The following SLC38A11 variants were observed in gnomAD, a reference collection of about 807,000 sequenced individuals.
The protein encoded by SLC38A11 is putative sodium-coupled neutral amino acid transporter 11.
A neutral mutation model predicts 49.4 loss-of-function variants in SLC38A11; 51 were observed. That is an observed-to-expected ratio of 1.03 (90% CI 0.83 to 1.30). The LOEUF (loss-of-function observed/expected upper bound fraction) is 1.30. Among genes scored for constraint, SLC38A11 ranks in the 50% most tolerant of loss-of-function variants. The probability of loss-of-function intolerance (pLI) is 0.00; values close to 1 mark genes in which losing one functional copy is unlikely to be tolerated. For missense variants in SLC38A11, 574 were observed against 556.2 expected (o/e 1.03, Z -0.32); for synonymous variants, 203 against 192.9 (o/e 1.05, Z -0.43).
rs727452 is a variant in SLC38A11, at chr2:164,916,373, A to G, written c.618-400T>C. Among the ~76,000 whole-genome samples the G allele has an allele frequency of 8.2e-3, 1,247 of 152,234 alleles. 8 individuals are homozygous for G. Among genetic ancestry groups the G allele is most frequent in the Non-Finnish European group, 0.015 (992 of 67,974 alleles). On this transcript the variant is annotated intron_variant, in intron 7 of 11. Transcript: ENST00000685975. ...TGTTCATTCCGCTCTTATTTTTTTC[A>G]GGCTTAACCTACCCAAGAAAAATTT...
Position 164,946,781 on chromosome 2 carries a change from A to G in SLC38A11, c.230-1054T>C, listed in dbSNP as rs76884386. On this transcript the variant is annotated intron_variant, in intron 3 of 11. Transcript: ENST00000685975. ...TTTTTTCTCTTTCTCATTTTTATCC[A>G]TTAAGTAATATGGAAATGCATTAAA... is the stretch of plus-strand genomic sequence containing the variant. 2.0e-5 allele frequency among the ~76,000 whole-genome samples: 3 copies of G among 152,152 alleles called. No homozygotes were observed. The East Asian group carries it at 5.8e-4, about 29-fold the overall frequency.
Position 164,895,967 on chromosome 2 carries a change from A to G in SLC38A11, c.*2470T>C, listed in dbSNP as rs1345222673. On this transcript the variant is annotated 3_prime_UTR_variant, in exon 12 of 12. Transcript: ENST00000685975. Reference sequence around the variant, plus strand: ...GATTCTTGCCTACCACCACCTTTTTAAAGTTAAGAAGTGCTTTATACATTT... The same window carrying G: ...GATTCTTGCCTACCACCACCTTTTTGAAGTTAAGAAGTGCTTTATACATTT... Among the ~76,000 whole-genome samples, 1 of 152,192 alleles carries G rather than the reference A, an allele frequency of 6.6e-6. No homozygotes were observed. The highest frequency in any genetic ancestry group is 1.9e-4 in the East Asian group (1 of 5,198).
intron 3 of SLC38A11, among the ~76,000 whole-genome samples, chr2:164,949,416 T>G (rs897399654): frequency 6.6e-6 from 1 of 151,930 alleles, no homozygotes; most frequent in Non-Finnish European, 1.5e-5. Flanking sequence ...AGCCACCACA[T>G]CCAGTTAATT....
chr2:164,952,572 A>C, intron 3 of SLC38A11, 135 bp downstream of exon 3: 1 of 703,496 alleles, frequency 1.4e-6, no homozygotes, highest in Non-Finnish European at 2.5e-6. Flanking sequence ...TAAATGCTTA[A>C]ATTCTTTAGG....
intron 9 of SLC38A11, 121 bp from the exon 10 acceptor site, chr2:164,911,869 C>T (rs1685430453): frequency 1.9e-6 from 1 of 533,406 alleles, no homozygotes; most frequent in African/African-American, 2.0e-5. Flanking sequence ...TATATGATTA[C>T]AATGCTGTAT....
chr2:164,919,852 G>C (rs900957789), intron 7 of SLC38A11, among the ~76,000 whole-genome samples: 2 of 152,174 alleles, frequency 1.3e-5, no homozygotes, highest in East Asian at 3.9e-4. Context: ...TGAATACAGA[G>C]GGCCATGATC....
chr2:164,937,257 C>A, intron 7 of SLC38A11, 93 bp downstream of exon 7: 1 of 826,516 alleles, frequency 1.2e-6, no homozygotes, highest in Non-Finnish European at 2.0e-6. Context: ...GTTTCTGATA[C>A]CATGGTTACT....
rs750519960 is a variant in SLC38A11 at position 164,911,632 on chromosome 2, TTA to T, written c.963+2_963+3del. On this transcript the variant is annotated splice_donor_variant and splice_donor_region_variant and intron_variant, in intron 10 of 11. Coordinates refer to ENST00000685975, the MANE Select transcript of SLC38A11 (RefSeq NM_001351537.2). LOFTEE classifies it high-confidence loss of function. ...GTAAAGCGTTGGGAAGGAACCGCGC[TTA>T]CCTCTCTTGTCACAAAGCATTCCAT... The T allele has an allele frequency of 6.5e-7, 1 of 1,531,132 alleles. No individual in the cohort carries two copies. Among genetic ancestry groups the T allele is most frequent in the Non-Finnish European group, 8.9e-7 (1 of 1,119,542 alleles). 94.8% of individuals were successfully genotyped at this position (1,531,132 alleles called of 1,614,324 possible).
chr2:164,920,107 G>T (rs1573926303), intron 7 of SLC38A11, among the ~76,000 whole-genome samples: 1 of 151,824 alleles, frequency 6.6e-6, no homozygotes, highest in African/African-American at 2.4e-5. Flanking sequence ...AACCCCGTCT[G>T]TACTAAAAAT....
chr2:164,942,847 T>TCTGCTTCACACAA (rs1339694411), intron 5 of SLC38A11, among the ~76,000 whole-genome samples: 1 of 152,166 alleles, frequency 6.6e-6, no homozygotes, highest in Non-Finnish European at 1.5e-5. Context: ...ACACAACTAT[T>TCTGCTTCACACAA]CTATGAAGCA....
chr2:164,914,470 C>A (rs1368715266), intron 9 of SLC38A11, among the ~76,000 whole-genome samples: 1 of 151,902 alleles, frequency 6.6e-6, no homozygotes, highest in Non-Finnish European at 1.5e-5. Flanking sequence ...AAATATAGAA[C>A]AACTGAGTAG....
At chr2:164,921,806 T>G (rs1686226555) in intron 7 of SLC38A11, among the ~76,000 whole-genome samples, 1 of 152,184 alleles carries the variant, frequency 6.6e-6, no homozygotes, top group Non-Finnish European at 1.5e-5. Flanking sequence ...TTCAAAATAT[T>G]TTAGTACTAC....
At position 164,944,626 on chromosome 2, in the gene SLC38A11, T is replaced by G. The variant is rs536186124; in HGVS notation, c.373A>C (p.Ser125Arg). 7.8e-7 allele frequency: 1 copy of G among 1,282,116 alleles called. No individual in the cohort carries two copies. The highest frequency in any genetic ancestry group is 1.5e-5 in the African/African-American group (1 of 65,750). The allele number at this position is 1,282,116 out of a possible 1,614,324, so 79.4% of individuals were successfully genotyped here. ...QFLYPFIAMI[S>R]YNIIAGDTLS... ...GTATCTCCAGCTATTATATTGTAAC[T>G]TATCATTGCTAAAAACATAATTAAA... The change falls in exon 5 of 12, where the codon AGT becomes CGT. Residue 125 changes from serine to arginine, a missense_variant. Physicochemically the swap from Ser to Arg is moderately radical, Grantham distance 110 (BLOSUM62 -1). Transcript: ENST00000685975.
Position 164,955,268 on chromosome 2 carries a change from C to A in SLC38A11, c.-21G>T, listed in dbSNP as rs767982122. 2 of 1,550,278 alleles carry A rather than the reference C, an allele frequency of 1.3e-6. No individual in the cohort carries two copies. Among genetic ancestry groups the A allele is most frequent in the South Asian group, 2.4e-5 (2 of 84,056 alleles). ...CCCATGGCTGAGCGGTGGTCCTCAG[C>A]AGGTGGAAGATGCTGGGGCTGGGTA... On this transcript the variant is annotated 5_prime_UTR_variant, in exon 1 of 12. Transcript: ENST00000685975.
chr2:164,923,803 TA>T (rs71028454), intron 7 of SLC38A11, among the ~76,000 whole-genome samples: 10,209 of 133,666 alleles, frequency 0.076, 1,111 homozygotes, highest in African/African-American at 0.25. Flanking sequence ...TCTTGAAAAA[TA>T]AAAAAAAAAA....
At chr2:164,914,392 G>C (rs1045518561) in intron 9 of SLC38A11, among the ~76,000 whole-genome samples, 5 of 151,994 alleles carry the variant, frequency 3.3e-5, no homozygotes, top group Admixed American at 6.6e-5. Context: ...AAAAAAGAGA[G>C]AAATATCTTT....
Position 164,896,161 on chromosome 2 carries a change from T to C in SLC38A11, c.*2276A>G, listed in dbSNP as rs1333265054. The stretch of plus-strand genomic sequence containing the variant: ...GTTATGCATGGTGGCAAAATAAGCA[T>C]ACAAGTATTCTTGCAAAATAAATGT... On this transcript the variant is annotated 3_prime_UTR_variant, in exon 12 of 12. Coordinates refer to ENST00000685975, the MANE Select transcript of SLC38A11 (RefSeq NM_001351537.2). 1 of 152,140 alleles carries C rather than the reference T, an allele frequency of 6.6e-6. No homozygotes were observed. Among genetic ancestry groups the C allele is most frequent in the African/African-American group, 2.4e-5 (1 of 41,446 alleles). The allele number at this position is 152,140 out of a possible 1,614,324, so 9.4% of individuals were successfully genotyped here.
chr2:164,951,666 G>T (rs749515640), intron 3 of SLC38A11, among the ~76,000 whole-genome samples: 5 of 152,180 alleles, frequency 3.3e-5, no homozygotes, highest in Admixed American at 6.5e-5. Flanking sequence ...TTTTACGAGG[G>T]ATGGCATCTT....
Position 164,945,696 on chromosome 2 carries a change from C to T in SLC38A11, c.261G>A (p.Gly87=), listed in dbSNP as rs769452958. ...DFSLVLLIKG[G]ALSGTDTYQS... Reference sequence around the variant, plus strand: ...GGTAGGTATCTGTTCCAGAGAGGGCCCCTCCTTTTATCAATAAAACAAGGG... The same window carrying T: ...GGTAGGTATCTGTTCCAGAGAGGGCTCCTCCTTTTATCAATAAAACAAGGG... The change falls in exon 4 of 12, where the codon GGG becomes GGA. Residue 87 remains glycine (G), a synonymous_variant. Transcript: ENST00000685975. The T allele has an allele frequency of 1.2e-6, 2 of 1,607,134 alleles. No homozygotes were observed. The highest frequency in any genetic ancestry group is 2.2e-5 in the East Asian group (1 of 44,508).
Sources: allele counts gnomAD v4.1 joint callset (sites outside exome capture counted in the v4.1 genomes callset), GRCh38; gene constraint gnomAD v4.1.1; transcripts MANE v1.5; gene names NCBI Gene and HGNC (gene_info 2026-07-23, HGNC 2026-07-21).